The following PIP4K2B variants were observed in gnomAD, a reference collection of about 807,000 sequenced individuals.
The protein encoded by PIP4K2B is phosphatidylinositol 5-phosphate 4-kinase type-2 beta.
Under a neutral mutation model 42.0 loss-of-function variants are expected in PIP4K2B, and 3 were observed. That is an observed-to-expected ratio of 0.07 (90% CI 0.03 to 0.18). The LOEUF is 0.18. Among genes scored for constraint, PIP4K2B ranks in the 10% least tolerant of loss-of-function variants. The pLI is 1.00. For missense variants in PIP4K2B, 332 were observed against 562.3 expected (o/e 0.59, Z 4.14); for synonymous variants, 204 against 210.1 (o/e 0.97, Z 0.25).
intron 4 of PIP4K2B, 109 bp from the exon 5 acceptor site, chr17:38,779,638 T>C (rs1351625020): frequency 2.2e-6 from 2 of 904,678 alleles, no homozygotes; most frequent in African/African-American, 3.3e-5. Flanking sequence ...TTCTAACCTC[T>C]AGACCAGTAG....
intron 7 of PIP4K2B, among the ~76,000 whole-genome samples, chr17:38,775,773 G>T (rs966114852): frequency 6.6e-6 from 1 of 151,840 alleles, no homozygotes; most frequent in Admixed American, 6.6e-5. Flanking sequence ...CAGGAGAATC[G>T]CTTGAACCCG....
intron 1 of PIP4K2B, among the ~76,000 whole-genome samples, chr17:38,796,624 T>C (rs1159935657): frequency 2.0e-5 from 3 of 152,174 alleles, no homozygotes; most frequent in African/African-American, 7.2e-5. Context: ...CTCTTGTCCA[T>C]GAGAGCAGCT....
chr17:38,790,009 T>C (rs572492024), intron 1 of PIP4K2B, among the ~76,000 whole-genome samples: 1 of 152,266 alleles, frequency 6.6e-6, no homozygotes, highest in South Asian at 2.1e-4. Context: ...CAGAAATGTT[T>C]TATATGTTGC....
intron 1 of PIP4K2B, among the ~76,000 whole-genome samples, chr17:38,791,688 C>T (rs1393972815): frequency 4.7e-5 from 7 of 150,364 alleles, no homozygotes; most frequent in East Asian, 2.0e-4. Flanking sequence ...GGATTACAGG[C>T]GTGAGCCACC....
In PIP4K2B at chr17:38,779,504, G is replaced by A. The variant is rs751460323; in HGVS notation, c.533C>T (p.Thr178Met). The A allele has an allele frequency of 3.6e-5, 58 of 1,613,784 alleles. 2 individuals are homozygous for A. In the South Asian group the frequency reaches 4.0e-4, roughly 11 times the overall value. Residue 178 changes from threonine to methionine, a missense_variant, in exon 5 of 10, where the codon ACG becomes ATG. Transcript: ENST00000619039. The part of the protein sequence containing the change: ...HQFIVECHGN[T>M]LLPQFLGMYR... ...CATGCCCAGGAACTGTGGCAAAAGC[G>A]TGTTGCCATGACACTCCACTATAAA...
chr17:38,775,991 T>G, intron 7 of PIP4K2B: 1 of 446,216 alleles, frequency 2.2e-6, no homozygotes, highest in Non-Finnish European at 4.5e-6. Context: ...TTTTTTTTTT[T>G]TTATTTTTTG....
At chr17:38,783,741 T>G (rs1316110211) in intron 3 of PIP4K2B, among the ~76,000 whole-genome samples, 1 of 152,052 alleles carries the variant, frequency 6.6e-6, no homozygotes, top group Non-Finnish European at 1.5e-5. Context: ...GGTGGGACTA[T>G]AGGCGCACAT....
At chr17:38,784,952 G>A (rs906561409) in intron 2 of PIP4K2B, among the ~76,000 whole-genome samples, 1 of 152,156 alleles carries the variant, frequency 6.6e-6, no homozygotes, top group African/African-American at 2.4e-5. Flanking sequence ...TCTCATCAGA[G>A]GGCCCCTCTC....
At chr17:38,785,302 T>C (rs760325043) in intron 2 of PIP4K2B, among the ~76,000 whole-genome samples, 1 of 152,202 alleles carries the variant, frequency 6.6e-6, no homozygotes, top group East Asian at 1.9e-4. Context: ...TCAAAAGGAA[T>C]GTCTTCTTGG....
chr17:38,797,724 C>G (rs139123968), intron 1 of PIP4K2B, among the ~76,000 whole-genome samples: 24 of 152,268 alleles, frequency 1.6e-4, no homozygotes, highest in African/African-American at 5.5e-4. Flanking sequence ...GAGTGAGAAG[C>G]AGGATGCAGA....
rs1179575267 is a variant in PIP4K2B at position 38,768,487 on chromosome 17, A to C, written c.*1204T>G. The C allele has an allele frequency of 6.5e-6, 1 of 152,730 alleles. No individual in the cohort carries two copies. The highest frequency in any genetic ancestry group is 2.4e-5 in the African/African-American group (1 of 41,468). The allele number at this position is 152,730 out of a possible 1,614,324, so 9.5% of individuals were successfully genotyped here. ...ATTTCCTGGATCACATCCTCATGTAACTAGGAAGCCACCTCACGTTTGGAC... is the reference window on the plus strand; with the variant it reads ...ATTTCCTGGATCACATCCTCATGTACCTAGGAAGCCACCTCACGTTTGGAC... On this transcript the variant is annotated 3_prime_UTR_variant, in exon 10 of 10. Coordinates refer to ENST00000619039, the MANE Select transcript of PIP4K2B (RefSeq NM_003559.5).
chr17:38,779,095 T>G (rs1909535571), intron 5 of PIP4K2B, among the ~76,000 whole-genome samples: 1 of 152,200 alleles, frequency 6.6e-6, no homozygotes, highest in South Asian at 2.1e-4. Context: ...TGATGGATGC[T>G]AAAGTGCATG....
intron 1 of PIP4K2B, among the ~76,000 whole-genome samples, chr17:38,789,865 T>A (rs1567661664): frequency 6.6e-6 from 1 of 151,394 alleles, no homozygotes. Flanking sequence ...GACACAAGAG[T>A]GTATCCTGTA....
Position 38,777,699 on chromosome 17 carries a change from C to T in PIP4K2B, c.795G>A (p.Lys265=). 1 of 1,611,434 alleles carries T rather than the reference C, an allele frequency of 6.2e-7. No homozygotes were observed. The highest frequency in any genetic ancestry group is 8.5e-7 in the Non-Finnish European group (1 of 1,177,504). The change falls in exon 7 of 10, where the codon AAG becomes AAA. Residue 265 remains lysine, a synonymous_variant. Coordinates refer to ENST00000619039, the MANE Select transcript of PIP4K2B (RefSeq NM_003559.5). ...ESKKNFLEKL[K]RDVEFLAQLK... The stretch of plus-strand genomic sequence containing the variant: ...GGTTAGTAAGTACCTCAACGTCCCG[C>T]TTCAGTTTCTCCAGGAAGTTCTTTT...
At chr17:38,786,272 G>A (rs909792799) in intron 2 of PIP4K2B, among the ~76,000 whole-genome samples, 7 of 152,164 alleles carry the variant, frequency 4.6e-5, no homozygotes, top group African/African-American at 9.7e-5. Flanking sequence ...CAGGTGTGGC[G>A]GCCGCTAGTG....
chr17:38,794,206 G>T (rs749317814), intron 1 of PIP4K2B, among the ~76,000 whole-genome samples: 25 of 152,104 alleles, frequency 1.6e-4, no homozygotes, highest in Non-Finnish European at 3.1e-4. Context: ...AGCACCTTAC[G>T]CTGAGATCAG....
intron 1 of PIP4K2B, among the ~76,000 whole-genome samples, chr17:38,796,150 A>G (rs887664578): frequency 1.3e-5 from 2 of 152,138 alleles, no homozygotes; most frequent in African/African-American, 4.8e-5. Flanking sequence ...AAACAAACAA[A>G]CAAACAAAAT....
intron 1 of PIP4K2B, among the ~76,000 whole-genome samples, chr17:38,798,197 G>A (rs967650194): frequency 6.6e-6 from 1 of 152,196 alleles, no homozygotes; most frequent in African/African-American, 2.4e-5. Context: ...AAATCCACAG[G>A]AAACCCAAGC....
At chr17:38,795,291 T>C (rs1307449770) in intron 1 of PIP4K2B, among the ~76,000 whole-genome samples, 3 of 152,042 alleles carry the variant, frequency 2.0e-5, no homozygotes, top group African/African-American at 7.2e-5. Context: ...GCAAAAAATT[T>C]AATAGACATT....
Sources: gnomAD v4.1 joint callset for allele counts (sites outside exome capture counted in the v4.1 genomes callset) on GRCh38, gnomAD v4.1.1 for gene constraint, MANE v1.5 for transcripts, NCBI Gene and HGNC (gene_info 2026-07-23, HGNC 2026-07-21) for gene names.